The following UTS2 variants were observed in gnomAD, a reference collection of about 807,000 sequenced individuals.
UTS2 encodes the protein urotensin 2, also known as urotensin-2.
A neutral mutation model predicts 12.6 loss-of-function variants in UTS2; 10 were observed. The observed-to-expected ratio is 0.80, with a 90% CI of 0.49 to 1.35. The LOEUF is 1.35. UTS2 is among the 40% of genes most tolerant of loss of function. UTS2 has a pLI of 0.00. For synonymous variants in UTS2, 52 were observed against 50.0 expected (o/e 1.04, Z -0.17); for missense variants, 142 against 143.2 (o/e 0.99, Z 0.04).
chr1:7,909,654 T>C, the UTS2 span, among the ~76,000 whole-genome samples: 10 of 152,074 alleles, frequency 6.6e-5, no homozygotes, highest in Admixed American at 6.5e-4. Context: ...GGAGTCTCAC[T>C]CTGTCACCCA....
the UTS2 span, among the ~76,000 whole-genome samples, chr1:7,883,691 T>C: frequency 6.6e-6 from 1 of 152,128 alleles, no homozygotes; most frequent in Non-Finnish European, 1.5e-5. Flanking sequence ...TTTAAAAATT[T>C]TTTAAGGAAT....
At chr1:7,882,060 C>T in the UTS2 span, among the ~76,000 whole-genome samples, 1 of 152,128 alleles carries the variant, frequency 6.6e-6, no homozygotes, top group Admixed American at 6.5e-5. Flanking sequence ...GGTGTCCAGG[C>T]GTGGTGGCAT....
At chr1:7,852,649 A>G (rs189912663) in intron 1 of UTS2, among the ~76,000 whole-genome samples, 1 of 152,336 alleles carries the variant, frequency 6.6e-6, no homozygotes, top group East Asian at 1.9e-4. Context: ...AAACAAGAGT[A>G]CAGAGGTAAC....
At chr1:7,913,209 A>T in the UTS2 span, among the ~76,000 whole-genome samples, 1 of 150,960 alleles carries the variant, frequency 6.6e-6, no homozygotes, top group South Asian at 2.1e-4. Flanking sequence ...AGTCCTGCCC[A>T]TGAAGGCACC....
intron 1 of UTS2, among the ~76,000 whole-genome samples, chr1:7,851,694 C>T (rs1056008693): frequency 6.6e-6 from 1 of 152,174 alleles, no homozygotes; most frequent in Non-Finnish European, 1.5e-5. Context: ...ATCATAAAGG[C>T]ATCAGAGCAC....
At chr1:7,884,277 T>G in the UTS2 span, among the ~76,000 whole-genome samples, 7 of 151,578 alleles carry the variant, frequency 4.6e-5, no homozygotes, top group Non-Finnish European at 8.8e-5. Context: ...GTGTGATACA[T>G]ATGTACCTGG....
At chr1:7,878,009 CA>C in the UTS2 span, among the ~76,000 whole-genome samples, 44 of 152,248 alleles carry the variant, frequency 2.9e-4, no homozygotes, top group South Asian at 1.0e-3. Context: ...GTTAAACTGT[CA>C]AAAGTCAAAG....
chr1:7,902,138 C>G, the UTS2 span, among the ~76,000 whole-genome samples: 1 of 152,098 alleles, frequency 6.6e-6, no homozygotes. Flanking sequence ...CAATTCCCCA[C>G]CAGCTCCTAC....
chr1:7,906,463 G>GAAAGAA, the UTS2 span, among the ~76,000 whole-genome samples: 2 of 107,532 alleles, frequency 1.9e-5, no homozygotes, highest in African/African-American at 7.2e-5. Context: ...AAGAAAGAAA[G>GAAAGAA]AAAGAAAGAA....
upstream of UTS2, chr1:7,853,140 A>C (rs80012426): frequency 2.1e-6 from 3 of 1,403,482 alleles, no homozygotes; most frequent in Admixed American, 5.6e-5. Flanking sequence ...AAAAAAAAAA[A>C]TGAATTTATT....
At chr1:7,899,676 T>C in the UTS2 span, among the ~76,000 whole-genome samples, 1 of 152,310 alleles carries the variant, frequency 6.6e-6, no homozygotes, top group African/African-American at 2.4e-5. Flanking sequence ...CCTGTCTTTA[T>C]GATCTTTTTT....
chr1:7,861,755 C>T, the UTS2 span, among the ~76,000 whole-genome samples: 1 of 152,072 alleles, frequency 6.6e-6, no homozygotes, highest in Non-Finnish European at 1.5e-5. Flanking sequence ...AGCAGGTCCC[C>T]AGTGGTGGTT....
At chr1:7,880,574 T>C in the UTS2 span, among the ~76,000 whole-genome samples, 1 of 152,040 alleles carries the variant, frequency 6.6e-6, no homozygotes, top group Non-Finnish European at 1.5e-5. Context: ...AGAAAATGGA[T>C]AAATTATTGG....
At chr1:7,876,927 C>T in the UTS2 span, among the ~76,000 whole-genome samples, 5 of 151,746 alleles carry the variant, frequency 3.3e-5, no homozygotes, top group Admixed American at 6.6e-5. Context: ...GTCAGGAGAT[C>T]GAGACCATCC....
At chr1:7,868,597 G>A in the UTS2 span, among the ~76,000 whole-genome samples, 2 of 152,218 alleles carry the variant, frequency 1.3e-5, no homozygotes, top group African/African-American at 4.8e-5. Context: ...CGTGAGGGCC[G>A]GAAGGCCCAT....
chr1:7,897,062 C>T, the UTS2 span, among the ~76,000 whole-genome samples: 1 of 152,084 alleles, frequency 6.6e-6, no homozygotes, highest in Non-Finnish European at 1.5e-5. Context: ...TTCCAAATTA[C>T]ATGAGATTTC....
the UTS2 span, among the ~76,000 whole-genome samples, chr1:7,906,449 G>GAGAAAGGAAGAAAGAAAGAAAGAA: frequency 1.1e-4 from 8 of 73,226 alleles, no homozygotes; most frequent in African/African-American, 4.2e-4. Flanking sequence ...GAAAGAAAAA[G>GAGAAAGGAAGAAAGAAAGAAAGAA]AGAAAGAAAG....
chr1:7,910,210 C>T, the UTS2 span, among the ~76,000 whole-genome samples: 1,196 of 152,226 alleles, frequency 7.9e-3, 18 homozygotes, highest in African/African-American at 0.027. Flanking sequence ...AGGTGGGTCA[C>T]AGAAACCAGA....
At chr1:7,866,119 G>A in the UTS2 span, among the ~76,000 whole-genome samples, 2 of 152,174 alleles carry the variant, frequency 1.3e-5, no homozygotes, top group African/African-American at 2.4e-5. The surrounding 1 kb of genome is among the most constrained non-coding windows in gnomAD (Gnocchi z 4.5). Context: ...GGTCGACCAC[G>A]CTGACCATGC....
Sources: allele counts gnomAD v4.1 joint callset (sites outside exome capture counted in the v4.1 genomes callset), GRCh38; gene constraint gnomAD v4.1.1; non-coding constraint Gnocchi (gnomAD v3.1); transcripts MANE v1.5; gene names NCBI Gene and HGNC (gene_info 2026-07-23, HGNC 2026-07-21).